The following SV2B variants were observed in gnomAD, a reference collection of about 807,000 sequenced individuals.
SV2B encodes the protein synaptic vesicle glycoprotein 2B.
In SV2B, 41 loss-of-function variants were observed where a neutral mutation model predicts 73.9. That is an observed-to-expected ratio of 0.56 (90% confidence interval 0.43 to 0.72). The LOEUF (loss-of-function observed/expected upper bound fraction) is 0.72. Ranked by LOEUF, SV2B falls within the 30% of genes least tolerant of loss-of-function variation. The pLI, the probability that SV2B is intolerant of heterozygous loss-of-function variation, is 0.00. For synonymous variants in SV2B, 314 were observed against 314.2 expected (o/e 1.00, Z 0.01); for missense variants, 764 against 857.8 (o/e 0.89, Z 1.37).
In SV2B at chr15:91,239,682, T is replaced by G. The variant is rs1041104173; in HGVS notation, c.452-12137T>G. Among the ~76,000 whole-genome samples the G allele has an allele frequency of 6.6e-6, 1 of 152,178 alleles. No individual in the cohort carries two copies. Among genetic ancestry groups the G allele is most frequent in the Non-Finnish European group, 1.5e-5 (1 of 68,024 alleles). ...GTCTTTCATTAGTATGGTTTCTTTTTTAGAAGGCAGCATGTGTATAGGGTG... is the reference window on the plus strand; with the variant it reads ...GTCTTTCATTAGTATGGTTTCTTTTGTAGAAGGCAGCATGTGTATAGGGTG... On this transcript the variant is annotated intron_variant, in intron 2 of 12. Coordinates refer to ENST00000394232, the MANE Select transcript of SV2B (RefSeq NM_001323032.3). This position sits in a 1 kb window ranked among gnomAD's most constrained non-coding sequence, Gnocchi z 5.1.
In SV2B at chr15:91,132,497, A is replaced by T. The variant is rs1425943484; in HGVS notation, c.-392+32134A>T. Among the ~76,000 whole-genome samples, 1 of 152,234 alleles carries T rather than the reference A, an allele frequency of 6.6e-6. No individual in the cohort carries two copies. On this transcript the variant is annotated intron_variant, in intron 1 of 12. Transcript: ENST00000394232. This position sits in a 1 kb window ranked among gnomAD's most constrained non-coding sequence, Gnocchi z 4.6. The stretch of plus-strand genomic sequence containing the variant: ...GCTGGAGTGAAGTTACAAAGTTGCA[A>T]ACGAAGACGGGACCCTCATTCAGTC...
chr15:91,248,063 T>A (rs376759694), intron 2 of SV2B, among the ~76,000 whole-genome samples: 5 of 152,226 alleles, frequency 3.3e-5, no homozygotes, highest in Non-Finnish European at 7.3e-5. Flanking sequence ...TTGTCACGCC[T>A]GTAATCCCAG....
chr15:91,251,871 G>T lies in SV2B; in HGVS notation c.504G>T (p.Leu168=). ...CGGGCGCCTTCATCCTGGGAGGCCT[G>T]GCTGATAAGCTGGGAAGGAAGCGAG... ...MMAGAFILGG[L]ADKLGRKRVL... is the part of the protein sequence containing the mutation. The change falls in exon 3 of 13, where the codon CTG becomes CTT. Residue 168 remains leucine (L), a synonymous_variant. Coordinates refer to ENST00000394232, the MANE Select transcript of SV2B (RefSeq NM_001323032.3). 6.2e-7 allele frequency: 1 copy of T among 1,614,154 alleles called. No homozygotes were observed. Among genetic ancestry groups the T allele is most frequent in the South Asian group, 1.1e-5 (1 of 91,084 alleles).
chr15:91,286,511 G>A (rs1403950371), intron 11 of SV2B, among the ~76,000 whole-genome samples: 3 of 152,186 alleles, frequency 2.0e-5, no homozygotes, highest in African/African-American at 7.2e-5. Flanking sequence ...AACAGTAATT[G>A]AGACAGACAG....
rs575221628 is a variant in SV2B at position 91,268,933 on chromosome 15, C to A, written c.1373+328C>A. 4.8e-4 allele frequency among the ~76,000 whole-genome samples: 73 copies of A among 152,298 alleles called. 1 individual carries two copies. The highest frequency in any genetic ancestry group is 3.4e-3 in the Middle Eastern group (1 of 294). ...GGCTGCCCAGAGAAAGGGCCTAGGG[C>A]TCTTACTGCTGAGATTCCCGAACTA... On this transcript the variant is annotated intron_variant, in intron 9 of 12. Transcript: ENST00000394232. The surrounding 1 kb of genome is among the most constrained non-coding windows in gnomAD (Gnocchi z 4.4).
rs2048929153 is a variant in SV2B at position 91,288,281 on chromosome 15, T to TAA, written c.1709-1238_1709-1237dup. 6.6e-6 allele frequency among the ~76,000 whole-genome samples: 1 copy of TAA among 152,238 alleles called. No homozygotes were observed. The highest frequency in any genetic ancestry group is 2.4e-5 in the African/African-American group (1 of 41,454). ...AAATTATTTTTTTATTTTTAATGGA[T>TAA]AAATTATAATTGTATATTTTGATGG... On this transcript the variant is annotated intron_variant, in intron 11 of 12. Transcript: ENST00000394232. This position sits in a 1 kb window ranked among gnomAD's most constrained non-coding sequence, Gnocchi z 5.8.
rs1353853497 is a variant in SV2B, at chr15:91,128,350, G to A, written c.-392+27987G>A. On this transcript the variant is annotated intron_variant, in intron 1 of 12. Coordinates refer to ENST00000394232, the MANE Select transcript of SV2B (RefSeq NM_001323032.3). The surrounding 1 kb of genome is among the most constrained non-coding windows in gnomAD (Gnocchi z 4.2). Reference sequence around the variant, plus strand: ...AATTATCTTTGCAGCTTGTTAGTAAGATTTTTCTGCAGAGTCAGAAAAAGT... The same window carrying A: ...AATTATCTTTGCAGCTTGTTAGTAAAATTTTTCTGCAGAGTCAGAAAAAGT... Among the ~76,000 whole-genome samples, 3 of 152,168 alleles carry A rather than the reference G, an allele frequency of 2.0e-5. No homozygotes were observed. Among genetic ancestry groups the A allele is most frequent in the Non-Finnish European group, 4.4e-5 (3 of 68,030 alleles).
intron 2 of SV2B, among the ~76,000 whole-genome samples, chr15:91,233,864 CACA>C (rs2046678339): frequency 6.6e-6 from 1 of 152,144 alleles, no homozygotes; most frequent in Non-Finnish European, 1.5e-5. Flanking sequence ...AAAGGTGAGG[CACA>C]ACGTGTGGAC....
intron 1 of SV2B, among the ~76,000 whole-genome samples, chr15:91,209,487 T>G (rs1283177648): frequency 6.6e-6 from 1 of 152,232 alleles, no homozygotes; most frequent in Non-Finnish European, 1.5e-5. Context: ...AATCTTTCCT[T>G]GCCAAATATG....
intron 9 of SV2B, among the ~76,000 whole-genome samples, chr15:91,271,685 A>T (rs1281413801): frequency 6.6e-6 from 1 of 152,116 alleles, no homozygotes; most frequent in African/African-American, 2.4e-5. Context: ...TTTCTCCTTG[A>T]CTGGTTAGGA....
chr15:91,195,502 G>A (rs1768957896), intron 1 of SV2B, among the ~76,000 whole-genome samples: 1 of 152,162 alleles, frequency 6.6e-6, no homozygotes, highest in Non-Finnish European at 1.5e-5. Context: ...TATAAAATGG[G>A]GAGATGAGCA....
intron 1 of SV2B, among the ~76,000 whole-genome samples, chr15:91,142,975 G>C (rs1179528784): frequency 6.6e-6 from 1 of 152,112 alleles, no homozygotes; most frequent in African/African-American, 2.4e-5. Context: ...CGGTTTTTTA[G>C]GTGCAGGTAG....
chr15:91,253,588 G>A lies in SV2B; in HGVS notation c.784+1068G>A, dbSNP rs1455782977. ...TTCTCCCTTATGTGAGGTCCGGCTG[G>A]CATTTCTAATCTGCAGGTGGCTCCG... On this transcript the variant is annotated intron_variant, in intron 4 of 12. Coordinates refer to ENST00000394232, the MANE Select transcript of SV2B (RefSeq NM_001323032.3). This position sits in a 1 kb window ranked among gnomAD's most constrained non-coding sequence, Gnocchi z 5.0. Among the ~76,000 whole-genome samples the A allele has an allele frequency of 1.3e-5, 2 of 152,224 alleles. No homozygotes were observed. The highest frequency in any genetic ancestry group is 2.4e-5 in the African/African-American group (1 of 41,444).
At chr15:91,250,558 A>G (rs1402216647) in intron 2 of SV2B, among the ~76,000 whole-genome samples, 1 of 152,202 alleles carries the variant, frequency 6.6e-6, no homozygotes, top group Middle Eastern at 3.2e-3. Flanking sequence ...CATCTTATAC[A>G]TAGAAAACCC....
At chr15:91,160,838 C>G (rs1435807946) in intron 1 of SV2B, among the ~76,000 whole-genome samples, 1 of 152,050 alleles carries the variant, frequency 6.6e-6, no homozygotes, top group Non-Finnish European at 1.5e-5. Flanking sequence ...ATCCCTACCT[C>G]AAACCTCATA....
intron 1 of SV2B, among the ~76,000 whole-genome samples, chr15:91,218,903 T>C (rs1407335685): frequency 6.6e-6 from 1 of 152,162 alleles, no homozygotes; most frequent in African/African-American, 2.4e-5. Flanking sequence ...CTTTTGTTAT[T>C]GTTCACAGCA....
At chr15:91,291,840 T>C (rs72750218) in intron 12 of SV2B, among the ~76,000 whole-genome samples, 1,669 of 152,326 alleles carry the variant, frequency 0.011, 16 homozygotes, top group Non-Finnish European at 0.019. Context: ...TCTTGGGAAC[T>C]GCTGCCACTT....
Position 91,199,043 on chromosome 15 carries a change from G to T in SV2B, c.-391-26830G>T, listed in dbSNP as rs188200489. Among the ~76,000 whole-genome samples the T allele has an allele frequency of 2.2e-4, 34 of 152,128 alleles. No homozygotes were observed. In the East Asian group the frequency reaches 6.4e-3, roughly 28 times the overall value. On this transcript the variant is annotated intron_variant, in intron 1 of 12. Coordinates refer to ENST00000394232, the MANE Select transcript of SV2B (RefSeq NM_001323032.3). Reference sequence around the variant, plus strand: ...TACTCATTTATTTTTTAGAGATGGGGTATCCTTATGTTGCCCAGGCTGTAC... The same window carrying T: ...TACTCATTTATTTTTTAGAGATGGGTTATCCTTATGTTGCCCAGGCTGTAC...
chr15:91,128,309 C>T lies in SV2B; in HGVS notation c.-392+27946C>T, dbSNP rs536434478. Reference sequence around the variant, plus strand: ...GAGGTGTCAGAATGTAAAAGCTGTTCTGTTCTTTCCTTGACAATTATCTTT... The same window carrying T: ...GAGGTGTCAGAATGTAAAAGCTGTTTTGTTCTTTCCTTGACAATTATCTTT... On this transcript the variant is annotated intron_variant, in intron 1 of 12. Transcript: ENST00000394232. The surrounding 1 kb of genome is among the most constrained non-coding windows in gnomAD (Gnocchi z 4.2). Among the ~76,000 whole-genome samples, 24 of 152,286 alleles carry T rather than the reference C, an allele frequency of 1.6e-4. No individual in the cohort carries two copies. The highest frequency in any genetic ancestry group is 5.8e-4 in the African/African-American group (24 of 41,558).
Sources: gnomAD v4.1 joint callset for allele counts (sites outside exome capture counted in the v4.1 genomes callset) on GRCh38, gnomAD v4.1.1 for gene constraint, Gnocchi (gnomAD v3.1) non-coding constraint, MANE v1.5 for transcripts, NCBI Gene and HGNC (gene_info 2026-07-23, HGNC 2026-07-21) for gene names.